The following RPN2 variants were observed in gnomAD, a reference collection of about 807,000 sequenced individuals.
The protein encoded by RPN2 is dolichyl-diphosphooligosaccharide--protein glycosyltransferase subunit 2.
A neutral mutation model predicts 71.4 loss-of-function variants in RPN2; 29 were observed. The ratio of observed to expected loss-of-function variants is 0.41; its 90% CI spans 0.30 to 0.55. RPN2 has a LOEUF of 0.55. Among genes scored for constraint, RPN2 ranks in the 20% least tolerant of loss-of-function variants. The pLI is 0.35. For synonymous variants in RPN2, 308 were observed against 305.0 expected (o/e 1.01, Z -0.10); for missense variants, 726 against 774.1 (o/e 0.94, Z 0.74).
rs1340750461 is a variant in RPN2, at chr20:37,179,500, G to T, written c.13+131G>T. 6 of 1,307,292 alleles carry T rather than the reference G, an allele frequency of 4.6e-6. No homozygotes were observed. The Admixed American group carries it at 1.0e-4, about 23-fold the overall frequency. The allele number at this position is 1,307,292 out of a possible 1,614,324, so 81.0% of individuals were successfully genotyped here. ...GGGCATGGGCACAAGCTCTGGCTGG[G>T]GCGCTCTCGGATCGAGGGTCCGAAG... is the stretch of plus-strand genomic sequence containing the variant. On this transcript the variant is annotated intron_variant, in intron 1 of 16. Coordinates refer to ENST00000237530, the MANE Select transcript of RPN2 (RefSeq NM_002951.5).
chr20:37,186,039 G>C (rs1158728699), intron 2 of RPN2, among the ~76,000 whole-genome samples: 1 of 152,212 alleles, frequency 6.6e-6, no homozygotes, highest in Non-Finnish European at 1.5e-5. Flanking sequence ...TGTTCCTCAA[G>C]GCCATTGGTA....
intron 15 of RPN2, among the ~76,000 whole-genome samples, chr20:37,234,464 C>A (rs2146705218): frequency 6.6e-6 from 1 of 152,354 alleles, no homozygotes; most frequent in Non-Finnish European, 1.5e-5. Flanking sequence ...CGCTATCGAT[C>A]TTCACATTTG....
chr20:37,180,164 G>T (rs1336360876), intron 1 of RPN2, among the ~76,000 whole-genome samples: 2 of 152,190 alleles, frequency 1.3e-5, no homozygotes, highest in South Asian at 2.1e-4. Flanking sequence ...ATGAGAAGTT[G>T]GAATCCCACG....
At chr20:37,231,185 T>C (rs2068232894) in intron 13 of RPN2, among the ~76,000 whole-genome samples, 1 of 152,056 alleles carries the variant, frequency 6.6e-6, no homozygotes, top group Non-Finnish European at 1.5e-5. Flanking sequence ...CCACCCCCAA[T>C]TTTCCAGCTG....
chr20:37,210,092 G>A lies in RPN2; in HGVS notation c.913G>A (p.Val305Ile). 2 of 1,614,156 alleles carry A rather than the reference G, an allele frequency of 1.2e-6. No individual in the cohort carries two copies. Among genetic ancestry groups the A allele is most frequent in the Non-Finnish European group, 1.7e-6 (2 of 1,180,018 alleles). Residue 305 changes from valine to isoleucine, a missense_variant, in exon 8 of 17, where the codon GTT becomes ATT. Transcript: ENST00000237530. ...GTCTCAGCCTCTGACTCAGGCCACTGTTAAACTAGAACATGCTAAATCTGT... is the reference window on the plus strand; with the variant it reads ...GTCTCAGCCTCTGACTCAGGCCACTATTAAACTAGAACATGCTAAATCTGT... ...VLSQPLTQAT[V>I]KLEHAKSVAS...
intron 14 of RPN2, among the ~76,000 whole-genome samples, chr20:37,232,963 C>G (rs1299302853): frequency 6.6e-6 from 1 of 152,012 alleles, no homozygotes; most frequent in Non-Finnish European, 1.5e-5. Context: ...GCCTGTAATC[C>G]CAGCACTTTG....
chr20:37,209,433 A>G (rs1205414503), intron 7 of RPN2, among the ~76,000 whole-genome samples: 1 of 151,664 alleles, frequency 6.6e-6, no homozygotes, highest in Non-Finnish European at 1.5e-5. Context: ...TACTGCAATT[A>G]CAGGCATGAG....
At chr20:37,181,240 A>G (rs1053592405) in intron 1 of RPN2, among the ~76,000 whole-genome samples, 1 of 151,366 alleles carries the variant, frequency 6.6e-6, no homozygotes, top group Non-Finnish European at 1.5e-5. Flanking sequence ...AAAAAAAAAA[A>G]GAACTTTCCA....
intron 11 of RPN2, among the ~76,000 whole-genome samples, chr20:37,226,419 C>G (rs1486869434): frequency 6.6e-6 from 1 of 152,110 alleles, no homozygotes; most frequent in African/African-American, 2.4e-5. Context: ...GGCATGGTGG[C>G]TCACGCCTGT....
chr20:37,225,937 A>G (rs1470348457), intron 11 of RPN2, 135 bp downstream of exon 11: 1 of 717,694 alleles, frequency 1.4e-6, no homozygotes, highest in Non-Finnish European at 2.5e-6. Context: ...CTGACAGTCC[A>G]TCAGGTTCTC....
At chr20:37,205,794 T>A (rs1409843071) in intron 6 of RPN2, among the ~76,000 whole-genome samples, 1 of 152,218 alleles carries the variant, frequency 6.6e-6, no homozygotes, top group Non-Finnish European at 1.5e-5. Context: ...TGGGTGAAAT[T>A]GCAAGAGTGT....
At chr20:37,240,604 T>A (rs752255838) in intron 16 of RPN2, among the ~76,000 whole-genome samples, 1 of 152,216 alleles carries the variant, frequency 6.6e-6, no homozygotes, top group Non-Finnish European at 1.5e-5. Flanking sequence ...TGCAGTCACC[T>A]CCTCAGCTTC....
chr20:37,207,262 A>C lies in RPN2; in HGVS notation c.691-11A>C, dbSNP rs754681361. On this transcript the variant is annotated splice_polypyrimidine_tract_variant and intron_variant, in intron 6 of 16. Coordinates refer to ENST00000237530, the MANE Select transcript of RPN2 (RefSeq NM_002951.5). ...AGGAAGAGAAACAGCTGCATTTCGC[A>C]TTTCTTTCAGGATCAGGTCATCCAG... 4 of 1,611,528 alleles carry C rather than the reference A, an allele frequency of 2.5e-6. No homozygotes were observed. The highest frequency in any genetic ancestry group is 3.4e-6 in the Non-Finnish European group (4 of 1,177,664).
At chr20:37,235,400 GC>G (rs1262930636) in intron 15 of RPN2, among the ~76,000 whole-genome samples, 1 of 152,148 alleles carries the variant, frequency 6.6e-6, no homozygotes, top group East Asian at 1.9e-4. Flanking sequence ...GGTGACTGGG[GC>G]AGGAATTATG....
intron 9 of RPN2, among the ~76,000 whole-genome samples, chr20:37,214,806 C>T (rs2067766582): frequency 1.3e-5 from 2 of 152,068 alleles, no homozygotes; most frequent in African/African-American, 4.8e-5. Context: ...TGATTGTGTG[C>T]TAGGTTTCTC....
chr20:37,223,240 A>G (rs569337466), intron 9 of RPN2, among the ~76,000 whole-genome samples: 3 of 152,248 alleles, frequency 2.0e-5, no homozygotes, highest in Non-Finnish European at 4.4e-5. Context: ...CCACATGCTC[A>G]GAAGGAGAAT....
chr20:37,194,250 G>C (rs1185108522), intron 2 of RPN2, among the ~76,000 whole-genome samples: 1 of 95,912 alleles, frequency 1.0e-5, no homozygotes, highest in African/African-American at 3.9e-5. Flanking sequence ...GAAGGGTTGA[G>C]GGAAATTGTT....
intron 16 of RPN2, among the ~76,000 whole-genome samples, chr20:37,239,709 C>T (rs2068500624): frequency 6.6e-6 from 1 of 152,142 alleles, no homozygotes; most frequent in South Asian, 2.1e-4. Context: ...GTAGCCACCA[C>T]CTCAGTCAAG....
intron 15 of RPN2, among the ~76,000 whole-genome samples, chr20:37,235,069 A>G (rs939363195): frequency 3.3e-5 from 5 of 152,206 alleles, no homozygotes; most frequent in African/African-American, 1.2e-4. Flanking sequence ...GTGCATAGAT[A>G]AGTCTCTTGA....
Sources: allele counts gnomAD v4.1 joint callset (sites outside exome capture counted in the v4.1 genomes callset), GRCh38; gene constraint gnomAD v4.1.1; transcripts MANE v1.5; gene names NCBI Gene and HGNC (gene_info 2026-07-23, HGNC 2026-07-21).